The following MYH4 variants were observed in gnomAD, a reference collection of about 807,000 sequenced individuals.
MYH4 encodes myosin-4.
MYH4 carries 200 observed loss-of-function variants against 229.9 expected under a neutral mutation model. The observed-to-expected ratio is 0.87, with a 90% CI of 0.78 to 0.98. The LOEUF is 0.98. Among genes scored for constraint, MYH4 ranks in the 50% least tolerant of loss-of-function variants. The pLI is 0.00. For synonymous variants in MYH4, 761 were observed against 834.6 expected, an observed-to-expected ratio of 0.91 and a Z score of 1.52; for missense variants, 2,148 against 2,332.6, an observed-to-expected ratio of 0.92 and a Z score of 1.63.
At chr17:10,444,574 A>C in intron 39 of MYH4, 30 bp downstream of exon 39, 1 of 1,584,696 alleles carries the variant, frequency 6.3e-7, no homozygotes, top group Non-Finnish European at 8.6e-7. Flanking sequence ...GTGCATCTGA[A>C]CCTTTCATTT....
chr17:10,449,041 C>G lies in MYH4; in HGVS notation c.4188G>C (p.Lys1396Asn). ...CTGCATCCTGCAGACGCTGGGCTAG[C>G]TTCTTCCTGAAAATTGGGTCAGTAT... ...RTEELEEAKK[K>N]LAQRLQDAEE... Residue 1396 changes from lysine to asparagine, a missense_variant, in exon 31 of 40, where the codon AAG becomes AAC. Transcript: ENST00000255381. 1 of 1,613,880 alleles carries G rather than the reference C, an allele frequency of 6.2e-7. No individual in the cohort carries two copies. The highest frequency in any genetic ancestry group is 8.5e-7 in the Non-Finnish European group (1 of 1,179,942).
At position 10,448,917 on chromosome 17, in the gene MYH4, G is replaced by T. The variant is rs370141150; in HGVS notation, c.4312C>A (p.Arg1438=). ...AGAGCTATGCAGGCAGCATTAGATC[G>T]TTCCACATCAATCATGAGGTCCTCT... ...EVEDLMIDVE[R]SNAACIALDK... Residue 1438 remains arginine, a synonymous_variant, in exon 31 of 40, where the codon CGA becomes AGA. Coordinates refer to ENST00000255381, the MANE Select transcript of MYH4 (RefSeq NM_017533.2). The T allele has an allele frequency of 6.2e-7, 1 of 1,614,128 alleles. No individual in the cohort carries two copies. The highest frequency in any genetic ancestry group is 1.3e-5 in the African/African-American group (1 of 75,048).
At position 10,447,237 on chromosome 17, in the gene MYH4, C is replaced by T. The variant is rs752690029; in HGVS notation, c.4966-21G>A. The T allele has an allele frequency of 4.9e-5, 78 of 1,606,138 alleles. 1 individual carries two copies. In the South Asian group the frequency reaches 8.0e-4, roughly 17 times the overall value. ...GTGTCCTACACAGAAAGAGAAAAAG[C>T]CTCTTACTCATGCTGCACTTAAAGC... On this transcript the variant is annotated intron_variant, in intron 34 of 39. Transcript: ENST00000255381.
chr17:10,450,471 T>C lies in MYH4; in HGVS notation c.4163A>G (p.Glu1388Gly). 2 of 1,613,990 alleles carry C rather than the reference T, an allele frequency of 1.2e-6. No homozygotes were observed. The highest frequency in any genetic ancestry group is 1.7e-6 in the Non-Finnish European group (2 of 1,179,902). The change falls in exon 30 of 40, where the codon GAG becomes GGG. Residue 1388 changes from glutamate to glycine, a missense_variant. Transcript: ENST00000255381. ...CACATACTTGGCCTCCTCCAGCTCCTCTGTGCGCTGGATGGCGTCCGTCTC... is the reference window on the plus strand; with the variant it reads ...CACATACTTGGCCTCCTCCAGCTCCCCTGTGCGCTGGATGGCGTCCGTCTC... ...KYETDAIQRTEELEEAKKKLA... is the reference protein window; with the variant it reads ...KYETDAIQRTGELEEAKKKLA...
At chr17:10,455,327 T>G (rs1450034150) in intron 19 of MYH4, 32 bp from the exon 20 acceptor site, 1 of 1,590,912 alleles carries the variant, frequency 6.3e-7, no homozygotes, top group Non-Finnish European at 8.6e-7. Context: ...AAAAATGTGG[T>G]TTTTCTTCAC....
chr17:10,455,154 A>T lies in MYH4; in HGVS notation c.2298+18T>A, dbSNP rs772446901. On this transcript the variant is annotated intron_variant, in intron 20 of 39. Transcript: ENST00000255381. Reference sequence around the variant, plus strand: ...AAGTGATAGAATTATGACAGATAGAAATTTGGACTGGTGATACCTTGGTAT... The same window carrying T: ...AAGTGATAGAATTATGACAGATAGATATTTGGACTGGTGATACCTTGGTAT... The T allele has an allele frequency of 3.7e-6, 6 of 1,614,142 alleles. No homozygotes were observed. Among genetic ancestry groups the T allele is most frequent in the Non-Finnish European group, 5.1e-6 (6 of 1,179,988 alleles).
At chr17:10,466,914 T>A in intron 2 of MYH4, 130 bp from the exon 3 acceptor site, 2 of 738,408 alleles carry the variant, frequency 2.7e-6, no homozygotes, top group Non-Finnish European at 4.3e-6. Flanking sequence ...CACTCCTGTA[T>A]ACTATGTCAA....
intron 5 of MYH4, 66 bp downstream of exon 5, chr17:10,465,376 T>A: frequency 6.4e-7 from 1 of 1,568,994 alleles, no homozygotes; most frequent in Admixed American, 1.7e-5. Context: ...ACTAGCCCTA[T>A]GTTTTTTCTG....
At chr17:10,461,569 A>G (rs2072702828) in intron 11 of MYH4, among the ~76,000 whole-genome samples, 1 of 152,132 alleles carries the variant, frequency 6.6e-6, no homozygotes, top group Non-Finnish European at 1.5e-5. Context: ...GAGAACAGCA[A>G]TGGTTGTGAG....
intron 2 of MYH4, 67 bp from the exon 3 acceptor site, chr17:10,466,851 T>C: frequency 1.4e-6 from 2 of 1,391,254 alleles, no homozygotes; most frequent in East Asian, 4.7e-5. Flanking sequence ...GTTGATTTCA[T>C]ATTAATGTGC....
At chr17:10,455,591 G>A (rs1318456906) in intron 19 of MYH4, 23 bp downstream of exon 19, 4 of 1,613,270 alleles carry the variant, frequency 2.5e-6, no homozygotes, top group Non-Finnish European at 2.5e-6. Flanking sequence ...GACATTGGAA[G>A]GGAAAAATAA....
rs2072599090 is a variant in MYH4, at chr17:10,453,301, C to T, written c.2962G>A (p.Gly988Ser). The change falls in exon 24 of 40, where the codon GGT (glycine) becomes AGT (serine). Residue 988 changes from glycine (G) to serine (S), a missense_variant. Coordinates refer to ENST00000255381, the MANE Select transcript of MYH4 (RefSeq NM_017533.2). Reference protein sequence around the residue: ...KVKNLTEEMAGLDETIAKLTK... With the variant: ...KVKNLTEEMASLDETIAKLTK... Reference sequence around the variant, plus strand: ...AGCTTAGCAATGGTTTCATCCAGACCTGCCATCTCTTCTGTGAGGTTTTTC... The same window carrying T: ...AGCTTAGCAATGGTTTCATCCAGACTTGCCATCTCTTCTGTGAGGTTTTTC... 1 of 1,613,964 alleles carries T rather than the reference C, an allele frequency of 6.2e-7. No homozygotes were observed. Among genetic ancestry groups the T allele is most frequent in the Middle Eastern group, 1.6e-4 (1 of 6,062 alleles).
At chr17:10,454,412 A>G in intron 22 of MYH4, 143 bp downstream of exon 22, 2 of 1,090,830 alleles carry the variant, frequency 1.8e-6, no homozygotes, top group Admixed American at 2.3e-5. Context: ...ATGATATGTG[A>G]CTTTGCATCT....
At chr17:10,462,993 T>G (rs770495179) in intron 10 of MYH4, 25 bp from the exon 11 acceptor site, 1 of 1,606,752 alleles carries the variant, frequency 6.2e-7, no homozygotes, top group African/African-American at 1.3e-5. Flanking sequence ...AAGAACAGTA[T>G]ATAGACAGCA....
At position 10,447,841 on chromosome 17, in the gene MYH4, T is replaced by G; in HGVS notation, c.4942A>C (p.Arg1648=). ...ACCTTCAGTATTCCTTGTGTGTTTC[T>G]AAGATTCCTTAGTGCCTCAGCAGCC... ...RQAAEALRNL[R]NTQGILKDTQ... is the part of the protein sequence containing the mutation. The change falls in exon 34 of 40, where the codon AGA becomes CGA. Residue 1648 remains arginine, a synonymous_variant. Coordinates refer to ENST00000255381, the MANE Select transcript of MYH4 (RefSeq NM_017533.2). 1 of 1,612,918 alleles carries G rather than the reference T, an allele frequency of 6.2e-7. No individual in the cohort carries two copies. Among genetic ancestry groups the G allele is most frequent in the Non-Finnish European group, 8.5e-7 (1 of 1,179,402 alleles).
chr17:10,456,404 A>G, intron 17 of MYH4, 81 bp downstream of exon 17: 1 of 1,166,872 alleles, frequency 8.6e-7, no homozygotes. Flanking sequence ...TTCACCATAA[A>G]TATCTTTTAA....
At chr17:10,458,914 G>A (rs1160211281) in intron 15 of MYH4, among the ~76,000 whole-genome samples, 3 of 152,142 alleles carry the variant, frequency 2.0e-5, no homozygotes, top group Non-Finnish European at 4.4e-5. Context: ...ACACTGTCAT[G>A]GGTACACCAG....
At chr17:10,466,039 G>T (rs570792660) in intron 4 of MYH4, among the ~76,000 whole-genome samples, 1 of 152,194 alleles carries the variant, frequency 6.6e-6, no homozygotes, top group East Asian at 1.9e-4. Context: ...CTCCCAAAGT[G>T]CTGGGATTAC....
Position 10,457,403 on chromosome 17 carries a change from G to T in MYH4, c.1897+17C>A. ...ATTTTGTGACTCTTGTAACATATTA[G>T]TGCTATTAAACATGACCTGCTTCAG... is the stretch of plus-strand genomic sequence containing the variant. On this transcript the variant is annotated intron_variant, in intron 16 of 39. Transcript: ENST00000255381. The T allele has an allele frequency of 6.3e-7, 1 of 1,579,046 alleles. No individual in the cohort carries two copies. Among genetic ancestry groups the T allele is most frequent in the Non-Finnish European group, 8.6e-7 (1 of 1,162,154 alleles).
Sources: gnomAD v4.1 joint callset for allele counts (sites outside exome capture counted in the v4.1 genomes callset) on GRCh38, gnomAD v4.1.1 for gene constraint, MANE v1.5 for transcripts, NCBI Gene and HGNC (gene_info 2026-07-23, HGNC 2026-07-21) for gene names.